The following POU6F2 variants were observed in gnomAD, a reference collection of about 807,000 sequenced individuals.
The protein encoded by POU6F2 is POU class 6 homeobox 2, also known as POU domain, class 6, transcription factor 2.
Under a neutral mutation model 71.3 loss-of-function variants are expected in POU6F2, and 31 were observed. That is an observed-to-expected ratio of 0.43 (90% CI 0.33 to 0.59). POU6F2 has a LOEUF of 0.59. Ranked by LOEUF, POU6F2 falls within the 20% of genes least tolerant of loss-of-function variation. The pLI is 0.04. For missense variants in POU6F2, 783 were observed against 856.8 expected, an observed-to-expected ratio of 0.91 and a Z score of 1.07; for synonymous variants, 347 against 355.7, an observed-to-expected ratio of 0.98 and a Z score of 0.27.
intron 1 of POU6F2, among the ~76,000 whole-genome samples, chr7:38,981,951 AG>A (rs1788327820): frequency 6.6e-6 from 1 of 152,190 alleles, no homozygotes; most frequent in Admixed American, 6.5e-5. Context: ...AATTTTACAT[AG>A]AGGTTTGTTT....
chr7:39,071,353 G>C (rs11773404), intron 1 of POU6F2, among the ~76,000 whole-genome samples: 17,585 of 151,892 alleles, frequency 0.12, 1,056 homozygotes, highest in Middle Eastern at 0.17. Context: ...GAGCTATGGG[G>C]AGTGGCTATA....
chr7:39,243,890 T>C (rs1191686382), intron 4 of POU6F2, among the ~76,000 whole-genome samples: 1 of 152,180 alleles, frequency 6.6e-6, no homozygotes, highest in African/African-American at 2.4e-5. Context: ...TTTTTAGTGC[T>C]GGAAAGTCCT....
At chr7:39,326,185 T>C (rs1421893136) in intron 4 of POU6F2, among the ~76,000 whole-genome samples, 2 of 152,212 alleles carry the variant, frequency 1.3e-5, no homozygotes, top group African/African-American at 4.8e-5. Context: ...AAATGTATAT[T>C]CTGTCCTTAA....
At chr7:39,324,333 A>G (rs551921242) in intron 4 of POU6F2, among the ~76,000 whole-genome samples, 25 of 152,252 alleles carry the variant, frequency 1.6e-4, no homozygotes, top group African/African-American at 5.8e-4. Context: ...CTTGCATTCA[A>G]GTGGTGCCAC....
chr7:39,244,626 A>G (rs1458213479), intron 4 of POU6F2, among the ~76,000 whole-genome samples: 3 of 152,202 alleles, frequency 2.0e-5, no homozygotes, highest in Admixed American at 2.0e-4. Flanking sequence ...TCATTTCTGT[A>G]TGTACACTCA....
At chr7:39,238,262 G>C (rs1794710059) in intron 4 of POU6F2, among the ~76,000 whole-genome samples, 1 of 152,114 alleles carries the variant, frequency 6.6e-6, no homozygotes, top group Non-Finnish European at 1.5e-5. Flanking sequence ...GCGGAGATTA[G>C]AGACAATGAA....
At chr7:39,250,337 T>C (rs1185888990) in intron 4 of POU6F2, among the ~76,000 whole-genome samples, 4 of 152,184 alleles carry the variant, frequency 2.6e-5, no homozygotes, top group Non-Finnish European at 1.5e-5. Flanking sequence ...TGTGTTCTGT[T>C]GGGGATGTCA....
At chr7:39,347,221 A>G (rs1419871460) in intron 5 of POU6F2, among the ~76,000 whole-genome samples, 1 of 152,192 alleles carries the variant, frequency 6.6e-6, no homozygotes, top group Non-Finnish European at 1.5e-5. Flanking sequence ...TCGACTATAG[A>G]TATTATAACC....
intron 2 of POU6F2, among the ~76,000 whole-genome samples, chr7:39,098,178 A>G (rs982797542): frequency 6.6e-6 from 1 of 151,788 alleles, no homozygotes; most frequent in African/African-American, 2.4e-5. Context: ...TGTTTGTCTT[A>G]TATATTTTTT....
chr7:39,342,793 T>C (rs1785945284), intron 5 of POU6F2, among the ~76,000 whole-genome samples: 2 of 152,238 alleles, frequency 1.3e-5, no homozygotes, highest in Non-Finnish European at 2.9e-5. Flanking sequence ...ATACCTCGTA[T>C]CAGGCTTTTC....
intron 1 of POU6F2, among the ~76,000 whole-genome samples, chr7:39,006,433 C>T (rs1789073181): frequency 6.6e-6 from 1 of 151,988 alleles, no homozygotes; most frequent in African/African-American, 2.4e-5. Context: ...CACTGCATTC[C>T]AGCCTGGGTG....
At chr7:39,218,445 C>T (rs752471752) in intron 4 of POU6F2, among the ~76,000 whole-genome samples, 1 of 152,098 alleles carries the variant, frequency 6.6e-6, no homozygotes, top group Non-Finnish European at 1.5e-5. Context: ...CCAAGAAAAC[C>T]GTATCTTCTC....
At chr7:39,155,464 AAG>A (rs1248288782) in intron 2 of POU6F2, among the ~76,000 whole-genome samples, 1 of 152,172 alleles carries the variant, frequency 6.6e-6, no homozygotes, top group Non-Finnish European at 1.5e-5. Flanking sequence ...GGAGGAGCAT[AAG>A]AGAATGATTT....
intron 1 of POU6F2, among the ~76,000 whole-genome samples, chr7:38,997,461 C>T (rs1335553441): frequency 6.6e-6 from 1 of 152,202 alleles, no homozygotes; most frequent in African/African-American, 2.4e-5. Flanking sequence ...AATCTTCTAC[C>T]TGTCTGCCTG....
chr7:39,311,124 C>T (rs1785156174), intron 4 of POU6F2, among the ~76,000 whole-genome samples: 1 of 151,974 alleles, frequency 6.6e-6, no homozygotes, highest in African/African-American at 2.4e-5. Context: ...CCTCCTCACT[C>T]TTTCAGTCAA....
At chr7:39,038,049 T>C (rs904769524) in intron 1 of POU6F2, among the ~76,000 whole-genome samples, 2 of 152,092 alleles carry the variant, frequency 1.3e-5, no homozygotes, top group African/African-American at 4.8e-5. Context: ...GTTGAATGAA[T>C]GTGTGTTGGT....
chr7:39,055,365 G>C (rs1048380249), intron 1 of POU6F2, among the ~76,000 whole-genome samples: 12 of 152,128 alleles, frequency 7.9e-5, no homozygotes, highest in African/African-American at 2.9e-4. Context: ...TGTAATTTAA[G>C]ATAGCTCATC....
At chr7:39,327,829 CA>C (rs1218400711) in intron 4 of POU6F2, among the ~76,000 whole-genome samples, 1 of 150,150 alleles carries the variant, frequency 6.7e-6, no homozygotes, top group African/African-American at 2.5e-5. Context: ...ATATTAGTTC[CA>C]TATATGTATG....
At chr7:39,433,432 T>C in intron 7 of POU6F2, 149 bp downstream of exon 7, 3 of 828,188 alleles carry the variant, frequency 3.6e-6, no homozygotes, top group Non-Finnish European at 3.7e-6. Flanking sequence ...TAAAATGGCA[T>C]GTAACTCTTT....
Sources: gnomAD v4.1 joint callset for allele counts (sites outside exome capture counted in the v4.1 genomes callset) on GRCh38, gnomAD v4.1.1 for gene constraint, MANE v1.5 for transcripts, NCBI Gene and HGNC (gene_info 2026-07-23, HGNC 2026-07-21) for gene names.